NUAK1: variants seen among roughly 807,000 people sequenced by gnomAD.
The protein encoded by NUAK1 is NUAK family kinase 1, also known as NUAK family SNF1-like kinase 1.
Under a neutral mutation model 56.9 loss-of-function variants are expected in NUAK1, and 26 were observed. The ratio of observed to expected loss-of-function variants is 0.46; its 90% confidence interval spans 0.33 to 0.63. The LOEUF is 0.63. Ranked by LOEUF, NUAK1 falls within the 30% of genes least tolerant of loss-of-function variation. The pLI is 0.02. For missense variants in NUAK1, 727 were observed against 876.1 expected (o/e 0.83, Z 2.15); for synonymous variants, 337 against 336.0 (o/e 1.00, Z -0.03).
At chr12:106,086,934 C>A (rs552357673) in intron 2 of NUAK1, 49 bp from the exon 3 acceptor site, 24 of 1,589,300 alleles carry the variant, frequency 1.5e-5, no homozygotes, top group Non-Finnish European at 2.1e-5. Context: ...AGCCAACAAG[C>A]TCACTTATGC....
chr12:106,063,415 G>C lies in NUAK1; in HGVS notation c.*3387C>G, dbSNP rs1043714146. 1 of 152,450 alleles carries C rather than the reference G, an allele frequency of 6.6e-6. No homozygotes were observed. Among genetic ancestry groups the C allele is most frequent in the Non-Finnish European group, 1.5e-5 (1 of 68,018 alleles). 9.4% of individuals were successfully genotyped at this position (152,450 alleles called of 1,614,324 possible). ...AAAAACCAAAATGAAACAAAAATCA[G>C]TTTCCAACGAAAATACAAACACTTT... On this transcript the variant is annotated 3_prime_UTR_variant, in exon 7 of 7. Coordinates refer to ENST00000261402, the MANE Select transcript of NUAK1 (RefSeq NM_014840.3).
At chr12:106,136,705 T>C (rs980384002) in intron 1 of NUAK1, among the ~76,000 whole-genome samples, 6 of 152,212 alleles carry the variant, frequency 3.9e-5, no homozygotes, top group African/African-American at 1.4e-4. Context: ...TCGAACTGCG[T>C]CTGTTTTTCA....
intron 4 of NUAK1, among the ~76,000 whole-genome samples, chr12:106,074,428 T>G (rs28560466): frequency 0.018 from 2,751 of 152,246 alleles, 80 homozygotes; most frequent in African/African-American, 0.059. Flanking sequence ...TTACCACACA[T>G]TTTTTGAAAA....
At chr12:106,098,127 C>T (rs1488915032) in intron 2 of NUAK1, among the ~76,000 whole-genome samples, 1 of 152,182 alleles carries the variant, frequency 6.6e-6, no homozygotes, top group Non-Finnish European at 1.5e-5. Flanking sequence ...ATTTTTAGAG[C>T]AGTGATTTTC....
At chr12:106,108,184 G>A (rs907587564) in intron 1 of NUAK1, among the ~76,000 whole-genome samples, 1 of 151,984 alleles carries the variant, frequency 6.6e-6, no homozygotes, top group Non-Finnish European at 1.5e-5. Flanking sequence ...GAAAAAAAAA[G>A]GGGGAACCAC....
chr12:106,101,370 G>A (rs540790892), intron 2 of NUAK1, among the ~76,000 whole-genome samples: 4 of 152,334 alleles, frequency 2.6e-5, no homozygotes, highest in East Asian at 1.9e-4. Context: ...AAACTCAGGC[G>A]TTGAAGCCCT....
At position 106,070,173 on chromosome 12, in the gene NUAK1, C is replaced by G. The variant is rs549794554; in HGVS notation, c.832+601G>C. Among the ~76,000 whole-genome samples, 13 of 152,350 alleles carry G rather than the reference C, an allele frequency of 8.5e-5. 1 individual carries two copies. The East Asian group carries it at 1.5e-3, about 18-fold the overall frequency. On this transcript the variant is annotated intron_variant, in intron 6 of 6. Transcript: ENST00000261402. ...AGGAAGGTCCACCATTCAGCCCCAG[C>G]AGCAGCCCCAACTGCCATCTGCTTA...
At chr12:106,134,310 T>C (rs1268069352) in intron 1 of NUAK1, among the ~76,000 whole-genome samples, 2 of 152,230 alleles carry the variant, frequency 1.3e-5, no homozygotes, top group South Asian at 2.1e-4. Context: ...GCAGGCCAGT[T>C]TGCTAATTTG....
rs908593703 is a variant in NUAK1, at chr12:106,063,542, C to A, written c.*3260G>T. ...GACAGGAGCCATAAAGCATGTTGCA[C>A]CAATTAAATTACACCAATATATTAT... On this transcript the variant is annotated 3_prime_UTR_variant, in exon 7 of 7. Coordinates refer to ENST00000261402, the MANE Select transcript of NUAK1 (RefSeq NM_014840.3). 1.3e-5 allele frequency: 2 copies of A among 152,272 alleles called. No individual in the cohort carries two copies. The highest frequency in any genetic ancestry group is 4.8e-5 in the African/African-American group (2 of 41,268). 9.4% of individuals were successfully genotyped at this position (152,272 alleles called of 1,614,324 possible). A position where few individuals can be genotyped will look rare whatever the true frequency, so the allele number is the denominator to read the frequency against.
At chr12:106,136,015 A>C (rs2033126115) in intron 1 of NUAK1, among the ~76,000 whole-genome samples, 2 of 152,200 alleles carry the variant, frequency 1.3e-5, no homozygotes, top group South Asian at 4.1e-4. Flanking sequence ...ATCTGTGAGC[A>C]GTGTGCTCAG....
intron 2 of NUAK1, chr12:106,104,002 T>C (rs1216132695): frequency 1.3e-5 from 2 of 152,220 alleles, no homozygotes; most frequent in Non-Finnish European, 2.9e-5. Context: ...GGCAGTTCGT[T>C]ATAGCAGCAT....
chr12:106,071,475 C>T lies in NUAK1; in HGVS notation c.700-569G>A, dbSNP rs1043754386. 4.6e-5 allele frequency among the ~76,000 whole-genome samples: 7 copies of T among 152,106 alleles called. No individual in the cohort carries two copies. In the South Asian group the frequency reaches 6.2e-4, roughly 14 times the overall value. ...AGACAAACTGTACAGTACATTCACC[C>T]GTCTTAGGCAGACAGCCTCTCCTTA... On this transcript the variant is annotated intron_variant, in intron 5 of 6. Transcript: ENST00000261402.
chr12:106,113,428 G>A (rs762393295), intron 1 of NUAK1, among the ~76,000 whole-genome samples: 3 of 152,078 alleles, frequency 2.0e-5, no homozygotes, highest in Admixed American at 6.5e-5. Flanking sequence ...ACCTGCCTCC[G>A]ATCCCCTGGT....
intron 3 of NUAK1, chr12:106,084,130 A>G (rs2032548922): frequency 1.7e-6 from 1 of 584,474 alleles, no homozygotes; most frequent in Non-Finnish European, 3.1e-6. Flanking sequence ...GCGACAGGAG[A>G]GCATTAGTCA....
chr12:106,114,377 C>T lies in NUAK1; in HGVS notation c.241-7852G>A, dbSNP rs551369447. On this transcript the variant is annotated intron_variant, in intron 1 of 6. Coordinates refer to ENST00000261402, the MANE Select transcript of NUAK1 (RefSeq NM_014840.3). ...ATAAGGAGAGGGACTCGGATAATCA[C>T]GCCACCGGCTCAGTTTCCTCACCTG... Among the ~76,000 whole-genome samples the T allele has an allele frequency of 1.6e-4, 24 of 152,322 alleles. No individual in the cohort carries two copies. The South Asian group carries it at 4.6e-3, about 29-fold the overall frequency.
rs1349894596 is a variant in NUAK1 at position 106,097,400 on chromosome 12, T to C, written c.361+9005A>G. Among the ~76,000 whole-genome samples, 3 of 152,358 alleles carry C rather than the reference T, an allele frequency of 2.0e-5. No individual in the cohort carries two copies. The East Asian group carries it at 5.8e-4, about 29-fold the overall frequency. ...TAGTACCTGGAACAAAAGTGCTCAA[T>C]ACCTTTTTGTAAAACACATGAATGA... On this transcript the variant is annotated intron_variant, in intron 2 of 6. Coordinates refer to ENST00000261402, the MANE Select transcript of NUAK1 (RefSeq NM_014840.3).
intron 2 of NUAK1, among the ~76,000 whole-genome samples, chr12:106,092,476 A>G (rs1170990738): frequency 3.3e-5 from 5 of 151,974 alleles, no homozygotes; most frequent in Non-Finnish European, 7.4e-5. Flanking sequence ...CAGCCTGGTG[A>G]CAGAGCGAGA....
rs184327237 is a variant in NUAK1, at chr12:106,069,159, T to C, written c.833-1204A>G. The stretch of plus-strand genomic sequence containing the variant: ...AGTCTGTATTTGCAAATTTGCCTAC[T>C]TGCTAAAATTTATTGGTAACCTCAA... On this transcript the variant is annotated intron_variant, in intron 6 of 6. Coordinates refer to ENST00000261402, the MANE Select transcript of NUAK1 (RefSeq NM_014840.3). Among the ~76,000 whole-genome samples, 128 of 152,364 alleles carry C rather than the reference T, an allele frequency of 8.4e-4. 2 individuals are homozygous for C. Among genetic ancestry groups the C allele is most frequent in the African/African-American group, 2.9e-3 (122 of 41,594 alleles).
chr12:106,072,164 A>G (rs1188181116), intron 5 of NUAK1, among the ~76,000 whole-genome samples: 1 of 151,426 alleles, frequency 6.6e-6, no homozygotes, highest in East Asian at 1.9e-4. Context: ...TATATACAAA[A>G]AAGATATTTA....
Sources: allele counts gnomAD v4.1 joint callset (sites outside exome capture counted in the v4.1 genomes callset), GRCh38; gene constraint gnomAD v4.1.1; transcripts MANE v1.5; gene names NCBI Gene and HGNC (gene_info 2026-07-23, HGNC 2026-07-21).